The following TENM2 variants were observed in gnomAD, a reference collection of about 807,000 sequenced individuals.
TENM2 encodes the protein teneurin-2.
Under a neutral mutation model 245.2 loss-of-function variants are expected in TENM2, and 52 were observed. That is an observed-to-expected ratio of 0.21 (90% CI 0.17 to 0.27). TENM2 has a LOEUF of 0.27. Ranked by LOEUF, TENM2 falls within the 10% of genes least tolerant of loss-of-function variation. TENM2 has a pLI of 1.00. For missense variants in TENM2, 3,046 were observed against 3,666.8 expected (o/e 0.83, Z 4.37); for synonymous variants, 1,363 against 1,438.9 (o/e 0.95, Z 1.19).
chr5:167,222,821 G>C, the TENM2 span, among the ~76,000 whole-genome samples: 1 of 152,076 alleles, frequency 6.6e-6, no homozygotes, highest in African/African-American at 2.4e-5. Flanking sequence ...CATTGCAAAA[G>C]CTGCTTCAAA....
chr5:168,146,106 T>A (rs62383430), intron 12 of TENM2, among the ~76,000 whole-genome samples: 1 of 151,284 alleles, frequency 6.6e-6, no homozygotes, highest in East Asian at 1.9e-4. Flanking sequence ...TTTCTAGGTA[T>A]ACAATCATGT....
At chr5:168,135,201 C>T (rs1322907782) in intron 12 of TENM2, among the ~76,000 whole-genome samples, 2 of 152,330 alleles carry the variant, frequency 1.3e-5, no homozygotes, top group East Asian at 3.9e-4. Flanking sequence ...AATTTCTTGG[C>T]TCCTTTGGAG....
At chr5:167,633,550 A>C (rs1438015631) in intron 2 of TENM2, among the ~76,000 whole-genome samples, 2 of 152,226 alleles carry the variant, frequency 1.3e-5, no homozygotes, top group Non-Finnish European at 1.5e-5. Context: ...ATTTTACTTC[A>C]TAATATCAGG....
intron 2 of TENM2, among the ~76,000 whole-genome samples, chr5:167,791,548 T>C (rs1434298698): frequency 1.1e-5 from 1 of 89,770 alleles, no homozygotes; most frequent in South Asian, 3.5e-4. Flanking sequence ...TTATATATTA[T>C]AATATATAAA....
intron 2 of TENM2, among the ~76,000 whole-genome samples, chr5:167,609,513 C>CAAAAAAAAAAAAAAAA (rs1777315888): frequency 2.6e-5 from 1 of 37,838 alleles, no homozygotes; most frequent in African/African-American, 6.6e-5. Context: ...AAAAAAAAAA[C>CAAAAAAAAAAAAAAAA]AAAACCTTAC....
chr5:168,098,517 T>TA (rs1281887885), intron 9 of TENM2, among the ~76,000 whole-genome samples: 1 of 152,226 alleles, frequency 6.6e-6, no homozygotes, highest in Non-Finnish European at 1.5e-5. Flanking sequence ...GCTACACTCT[T>TA]AATCTAGGAA....
rs66740766 is a variant in TENM2 at position 167,776,161 on chromosome 5, C to CCACACACACACACACACACA, written c.503-99814_503-99795dup. 6.2e-3 allele frequency among the ~76,000 whole-genome samples: 828 copies of CCACACACACACACACACACA among 133,112 alleles called. 5 individuals carry two copies. The highest frequency in any genetic ancestry group is 8.4e-3 in the African/African-American group (288 of 34,300). 87.3% of individuals were successfully genotyped at this position (133,112 alleles called of 152,430 possible). On this transcript the variant is annotated intron_variant, in intron 2 of 28. Coordinates refer to ENST00000518659, the Ensembl canonical transcript of TENM2. ...TGGTCCTGTGAAAGGAAAAAAAAAT[C>CCACACACACACACACACACA]CACACACACACACACACACACACAC... is the stretch of plus-strand genomic sequence containing the variant.
At chr5:167,283,273 T>A (rs529061160), upstream of TENM2, among the ~76,000 whole-genome samples, 100 of 151,958 alleles carry the variant, frequency 6.6e-4, no homozygotes, top group Non-Finnish European at 1.2e-3. Context: ...GGTCTTGAAC[T>A]CCTAACCTCA....
the TENM2 span, among the ~76,000 whole-genome samples, chr5:167,252,270 G>C: frequency 1.3e-5 from 2 of 152,278 alleles, no homozygotes; most frequent in African/African-American, 4.8e-5. Flanking sequence ...GGCTACAGAG[G>C]CTGAGTCCAA....
At chr5:167,126,784 T>G in the TENM2 span, among the ~76,000 whole-genome samples, 1 of 152,184 alleles carries the variant, frequency 6.6e-6, no homozygotes, top group Non-Finnish European at 1.5e-5. Context: ...CATTTTAAAT[T>G]GCAATTGTAC....
intron 2 of TENM2, among the ~76,000 whole-genome samples, chr5:167,620,114 T>TCGGC (rs1288704256): frequency 2.0e-5 from 3 of 152,258 alleles, no homozygotes; most frequent in African/African-American, 7.2e-5. Context: ...AGGTCAATAG[T>TCGGC]CGGCCGTGTG....
chr5:167,841,516 C>G (rs1427721356), intron 2 of TENM2, among the ~76,000 whole-genome samples: 1 of 152,198 alleles, frequency 6.6e-6, no homozygotes, highest in Non-Finnish European at 1.5e-5. Context: ...CTTCCCCACA[C>G]AAGCGTGTAT....
intron 3 of TENM2, among the ~76,000 whole-genome samples, chr5:167,906,094 G>A (rs1776065602): frequency 6.6e-6 from 1 of 152,144 alleles, no homozygotes; most frequent in East Asian, 1.9e-4. Context: ...CAACCCTGCA[G>A]GAGATAACTT....
intron 2 of TENM2, among the ~76,000 whole-genome samples, chr5:167,727,387 C>T (rs944856665): frequency 2.0e-5 from 3 of 152,292 alleles, no homozygotes; most frequent in South Asian, 4.1e-4. Context: ...GCTGGGATTA[C>T]AGGCGTGAGC....
intron 2 of TENM2, among the ~76,000 whole-genome samples, chr5:167,542,129 T>C (rs1772250965): frequency 6.6e-6 from 1 of 152,080 alleles, no homozygotes; most frequent in South Asian, 2.1e-4. Flanking sequence ...TTGCCACCAA[T>C]TGCATAAGGT....
intron 6 of TENM2, among the ~76,000 whole-genome samples, chr5:168,059,417 G>C (rs949079728): frequency 6.6e-6 from 1 of 152,046 alleles, no homozygotes; most frequent in Admixed American, 6.6e-5. Context: ...CAGACATAAA[G>C]GAAAGCCAAG....
At chr5:167,665,312 T>C (rs1298606159) in intron 2 of TENM2, among the ~76,000 whole-genome samples, 1 of 152,160 alleles carries the variant, frequency 6.6e-6, no homozygotes, top group African/African-American at 2.4e-5. Context: ...ATTAGTGATA[T>C]TGTCATTAGT....
At chr5:167,352,677 AAG>A (rs1484773899) in intron 1 of TENM2, among the ~76,000 whole-genome samples, 2 of 152,216 alleles carry the variant, frequency 1.3e-5, no homozygotes, top group Non-Finnish European at 2.9e-5. Context: ...CATATGAGAA[AAG>A]AGATGATAGC....
intron 2 of TENM2, among the ~76,000 whole-genome samples, chr5:167,791,950 A>C (rs777723450): frequency 6.6e-6 from 1 of 152,066 alleles, no homozygotes; most frequent in Non-Finnish European, 1.5e-5. Flanking sequence ...CCACTCTCTC[A>C]TCATCCCTAC....
Sources: gnomAD v4.1 joint callset for allele counts (sites outside exome capture counted in the v4.1 genomes callset) on GRCh38, gnomAD v4.1.1 for gene constraint, MANE v1.5 for transcripts, NCBI Gene and HGNC (gene_info 2026-07-23, HGNC 2026-07-21) for gene names.